Variants in ADAM10 observed in about 807,000 individuals in gnomAD.
ADAM10 encodes ADAM metallopeptidase domain 10.
A neutral mutation model predicts 90.1 loss-of-function variants in ADAM10; 17 were observed. The ratio of observed to expected loss-of-function variants is 0.19; its 90% CI spans 0.13 to 0.28. The LOEUF (loss-of-function observed/expected upper bound fraction) is 0.28, where lower values mean the gene tolerates loss of function less well. Ranked by LOEUF, ADAM10 falls within the 10% of genes least tolerant of loss-of-function variation. The pLI is 1.00. For missense variants in ADAM10, 610 were observed against 914.3 expected, an observed-to-expected ratio of 0.67 and a Z score of 4.29; for synonymous variants, 310 against 298.6, an observed-to-expected ratio of 1.04 and a Z score of -0.40.
chr15:58,617,635 C>T (rs1441383091), intron 11 of ADAM10, among the ~76,000 whole-genome samples: 1 of 152,118 alleles, frequency 6.6e-6, no homozygotes, highest in Non-Finnish European at 1.5e-5. Flanking sequence ...TGTTTGTAGA[C>T]AGCATAATCT....
intron 14 of ADAM10, among the ~76,000 whole-genome samples, chr15:58,600,428 T>C (rs1367989143): frequency 6.6e-6 from 1 of 152,210 alleles, no homozygotes; most frequent in Non-Finnish European, 1.5e-5. Flanking sequence ...TTTATTTCAT[T>C]TGGAATTTGA....
chr15:58,654,349 C>T (rs543583511), intron 5 of ADAM10, among the ~76,000 whole-genome samples: 24 of 152,226 alleles, frequency 1.6e-4, no homozygotes, highest in African/African-American at 5.8e-4. Context: ...CTTAGTACTG[C>T]TTTTACTGTA....
At chr15:58,719,615 A>C (rs1898775493) in intron 1 of ADAM10, among the ~76,000 whole-genome samples, 1 of 152,206 alleles carries the variant, frequency 6.6e-6, no homozygotes, top group Non-Finnish European at 1.5e-5. Context: ...ATCTGGGTTC[A>C]AGTTCTAAGA....
At chr15:58,744,862 A>G (rs575597875) in intron 1 of ADAM10, among the ~76,000 whole-genome samples, 25 of 152,140 alleles carry the variant, frequency 1.6e-4, no homozygotes, top group African/African-American at 5.5e-4. Flanking sequence ...ACCAACAACA[A>G]CAACAACAAA....
intron 1 of ADAM10, among the ~76,000 whole-genome samples, chr15:58,729,074 T>C (rs1424373717): frequency 6.6e-6 from 1 of 152,132 alleles, no homozygotes; most frequent in African/African-American, 2.4e-5. Context: ...AAAGAAAATA[T>C]GAGCCATGTG....
chr15:58,680,036 A>G (rs977807130), intron 3 of ADAM10, among the ~76,000 whole-genome samples: 3 of 152,242 alleles, frequency 2.0e-5, no homozygotes, highest in Non-Finnish European at 4.4e-5. Context: ...AGGTACCACA[A>G]GAAAAAAGCT....
chr15:58,749,020 C>A (rs1352242310), intron 1 of ADAM10: 6 of 399,138 alleles, frequency 1.5e-5, no homozygotes, highest in Non-Finnish European at 2.6e-5. Context: ...ACTTCGGAAT[C>A]CGCCACCGGG....
At chr15:58,655,726 T>TATATATATATA (rs1566982450) in intron 5 of ADAM10, among the ~76,000 whole-genome samples, 4 of 109,132 alleles carry the variant, frequency 3.7e-5, no homozygotes, top group African/African-American at 7.0e-5. Context: ...TATATATATA[T>TATATATATATA]ATATATATAT....
chr15:58,631,950 G>A (rs912212900), intron 9 of ADAM10, among the ~76,000 whole-genome samples: 19 of 152,156 alleles, frequency 1.2e-4, no homozygotes, highest in African/African-American at 4.1e-4. Context: ...TAGTGAGATG[G>A]CACCTATTTT....
intron 2 of ADAM10, among the ~76,000 whole-genome samples, chr15:58,703,396 C>A (rs75877390): frequency 0.027 from 4,123 of 151,134 alleles, 127 homozygotes; most frequent in East Asian, 0.083. Context: ...GATAGTTGCA[C>A]ATCAATGTTC....
At chr15:58,686,827 T>C (rs1409244715) in intron 2 of ADAM10, among the ~76,000 whole-genome samples, 1 of 152,182 alleles carries the variant, frequency 6.6e-6, no homozygotes, top group African/African-American at 2.4e-5. Context: ...TAAATAGTAA[T>C]AGCTTGTTTT....
chr15:58,686,289 G>A (rs1321051699), intron 2 of ADAM10: 4 of 587,054 alleles, frequency 6.8e-6, no homozygotes, highest in African/African-American at 5.6e-5. Context: ...ATTTAATAGA[G>A]AACCCAGAAA....
intron 15 of ADAM10, among the ~76,000 whole-genome samples, chr15:58,599,140 CA>C (rs1895039487): frequency 9.1e-6 from 1 of 110,128 alleles, no homozygotes; most frequent in African/African-American, 3.5e-5. Context: ...CTGGGCAACA[CA>C]GTGAGAGAAA....
intron 2 of ADAM10, chr15:58,692,835 T>C (rs778499464): frequency 1.5e-6 from 1 of 654,302 alleles, no homozygotes; most frequent in Non-Finnish European, 2.9e-6. Flanking sequence ...TGGAGATTTC[T>C]GCACAAGACT....
At position 58,592,175 on chromosome 15, in the gene ADAM10, C is replaced by T. The variant is rs909193001; in HGVS notation, c.*5372G>A. The T allele has an allele frequency of 6.6e-6, 1 of 152,212 alleles. No homozygotes were observed. The highest frequency in any genetic ancestry group is 1.5e-5 in the Non-Finnish European group (1 of 68,036). The allele number at this position is 152,212 out of a possible 1,614,324, so 9.4% of individuals were successfully genotyped here. ...AACTGCTTCATAGGTGGTATATGTA[C>T]TTCCATTAGGAGGCACAAAATCTGA... On this transcript the variant is annotated 3_prime_UTR_variant, in exon 16 of 16. Transcript: ENST00000260408.
intron 2 of ADAM10, among the ~76,000 whole-genome samples, chr15:58,711,624 CAA>C (rs1345821128): frequency 6.6e-6 from 1 of 152,142 alleles, no homozygotes; most frequent in African/African-American, 2.4e-5. Context: ...CCAACTCTAT[CAA>C]AGACAGTCAA....
At chr15:58,683,930 T>C (rs1244969330) in intron 2 of ADAM10, among the ~76,000 whole-genome samples, 2 of 151,318 alleles carry the variant, frequency 1.3e-5, no homozygotes, top group African/African-American at 4.9e-5. Flanking sequence ...GGGGATTGGT[T>C]ACAGGACCCC....
chr15:58,634,458 A>T (rs1379070687), intron 8 of ADAM10, among the ~76,000 whole-genome samples: 3 of 152,190 alleles, frequency 2.0e-5, no homozygotes, highest in Non-Finnish European at 4.4e-5. Flanking sequence ...TTTCCACTTA[A>T]ATATTTTTAT....
intron 2 of ADAM10, among the ~76,000 whole-genome samples, chr15:58,690,444 G>T (rs1897746422): frequency 6.6e-6 from 1 of 151,970 alleles, no homozygotes; most frequent in Admixed American, 6.6e-5. Context: ...CCCCAGAAAT[G>T]GTAATCTTTT....
Sources: allele counts gnomAD v4.1 joint callset (sites outside exome capture counted in the v4.1 genomes callset), GRCh38; gene constraint gnomAD v4.1.1; transcripts MANE v1.5; gene names NCBI Gene and HGNC (gene_info 2026-07-23, HGNC 2026-07-21).